DOCK1: variants seen among roughly 807,000 people sequenced by gnomAD.
The protein encoded by DOCK1 is dedicator of cytokinesis 1.
In DOCK1, 138 loss-of-function variants were observed where a neutral mutation model predicts 262.7. The ratio of observed to expected loss-of-function variants is 0.53; its 90% CI spans 0.46 to 0.61. DOCK1 has a LOEUF of 0.61. Ranked by LOEUF, DOCK1 falls within the 20% of genes least tolerant of loss-of-function variation. DOCK1 has a pLI of 0.00. For missense variants in DOCK1, 1,908 were observed against 2,370.7 expected, an observed-to-expected ratio of 0.80 and a Z score of 4.05; for synonymous variants, 866 against 867.4, an observed-to-expected ratio of 1.00 and a Z score of 0.03.
chr10:127,425,277 A>G (rs2068746374), intron 46 of DOCK1, among the ~76,000 whole-genome samples: 1 of 152,178 alleles, frequency 6.6e-6, no homozygotes, highest in Admixed American at 6.5e-5. Flanking sequence ...TGCAGCTGGG[A>G]GAATGAAAAT....
intron 27 of DOCK1, among the ~76,000 whole-genome samples, chr10:127,234,372 C>T (rs1443872219): frequency 6.6e-6 from 1 of 151,930 alleles, no homozygotes; most frequent in Non-Finnish European, 1.5e-5. Context: ...ATAGTTTACC[C>T]TAATATACAA....
At chr10:127,422,302 G>A (rs1310697428) in intron 46 of DOCK1, among the ~76,000 whole-genome samples, 3 of 151,318 alleles carry the variant, frequency 2.0e-5, no homozygotes, top group Non-Finnish European at 2.9e-5. Flanking sequence ...GAGTAGCTGG[G>A]ACTACAGATG....
In DOCK1 at chr10:127,127,699, A is replaced by G. The variant is rs2050051449; in HGVS notation, c.2782A>G (p.Met928Val). Residue 928 changes from methionine to valine, a missense_variant, in exon 27 of 52, where the codon ATG becomes GTG. By Grantham distance (21) the Met-to-Val change is conservative. This residue lies in a region of DOCK1 where 518 missense variants were observed against 575.1 expected (regional missense o/e 0.90). Coordinates refer to ENST00000623213, the MANE Select transcript of DOCK1 (RefSeq NM_001290223.2). ...GPTQRHVQII[M>V]EKLLRTVNRT... ...AACCCAGAGGCACGTCCAGATTATC[A>G]TGGAGAAACTTCTCCGGACCGTGAA... 6.2e-7 allele frequency: 1 copy of G among 1,612,872 alleles called. No homozygotes were observed. Among genetic ancestry groups the G allele is most frequent in the African/African-American group, 1.3e-5 (1 of 74,942 alleles).
intron 23 of DOCK1, among the ~76,000 whole-genome samples, chr10:127,086,839 C>T (rs1264662059): frequency 6.6e-6 from 1 of 152,114 alleles, no homozygotes; most frequent in Admixed American, 6.5e-5. Context: ...TTTAATATTC[C>T]TATACATGAA....
intron 49 of DOCK1, among the ~76,000 whole-genome samples, chr10:127,440,733 C>T (rs182931182): frequency 3.3e-5 from 5 of 152,336 alleles, no homozygotes; most frequent in Non-Finnish European, 7.3e-5. Context: ...AACAGGCCAG[C>T]GCTGCTCTGC....
intron 27 of DOCK1, among the ~76,000 whole-genome samples, chr10:127,130,108 G>T (rs2050231383): frequency 7.9e-6 from 1 of 126,890 alleles, no homozygotes; most frequent in African/African-American, 3.3e-5. Flanking sequence ...CCCTGAGATA[G>T]AGTCTTGCTC....
At chr10:127,351,282 C>T (rs908456931) in intron 31 of DOCK1, among the ~76,000 whole-genome samples, 1 of 152,060 alleles carries the variant, frequency 6.6e-6, no homozygotes, top group Non-Finnish European at 1.5e-5. Context: ...GGGCAGAGCA[C>T]GGTGACCCCA....
chr10:126,999,053 A>G (rs1245728917), intron 8 of DOCK1, among the ~76,000 whole-genome samples: 3 of 152,140 alleles, frequency 2.0e-5, no homozygotes, highest in Non-Finnish European at 2.9e-5. Context: ...GCTGAATTTT[A>G]TAGTATTGTC....
At chr10:127,200,701 A>T (rs2057415008) in intron 27 of DOCK1, among the ~76,000 whole-genome samples, 1 of 152,062 alleles carries the variant, frequency 6.6e-6, no homozygotes, top group South Asian at 2.1e-4. Context: ...ACTGCGCCCG[A>T]TATTATTATC....
chr10:127,091,890 G>T (rs1012021453), intron 23 of DOCK1, among the ~76,000 whole-genome samples: 8 of 152,086 alleles, frequency 5.3e-5, no homozygotes, highest in African/African-American at 1.9e-4. Context: ...ATGCTTACAG[G>T]GTACATCCTC....
intron 29 of DOCK1, among the ~76,000 whole-genome samples, chr10:127,313,252 C>T (rs537027521): frequency 4.6e-5 from 7 of 152,258 alleles, no homozygotes; most frequent in South Asian, 4.1e-4. Context: ...CACCCATATG[C>T]GATGCAATCA....
chr10:127,052,991 C>G (rs1319009090), intron 22 of DOCK1, among the ~76,000 whole-genome samples, 176 bp downstream of exon 22: 19 of 152,110 alleles, frequency 1.2e-4, no homozygotes, highest in Admixed American at 1.2e-3. Context: ...CCCACTCTTT[C>G]CTTACCCGCC....
chr10:127,119,729 T>C (rs884447), intron 25 of DOCK1, among the ~76,000 whole-genome samples: 25,495 of 152,254 alleles, frequency 0.17, 2,631 homozygotes, highest in African/African-American at 0.29. Context: ...ATCATTTATT[T>C]AATGTGACCA....
intron 29 of DOCK1, among the ~76,000 whole-genome samples, chr10:127,292,457 G>T (rs550095256): frequency 7.2e-5 from 11 of 152,234 alleles, no homozygotes; most frequent in Non-Finnish European, 1.3e-4. Context: ...GGCCTTTCTG[G>T]CTGTTTACAA....
At position 126,990,485 on chromosome 10, in the gene DOCK1, C is replaced by T. The variant is rs765245181; in HGVS notation, c.355C>T (p.Arg119Trp). Residue 119 changes from arginine to tryptophan, a missense_variant, in exon 6 of 52, where the codon CGG (arginine) becomes TGG (tryptophan). Coordinates refer to ENST00000623213, the MANE Select transcript of DOCK1 (RefSeq NM_001290223.2). Reference sequence around the variant, plus strand: ...TAACAGGGAGATGTTTCGAAGTGTGCGGCACATGATCTATGACCTTATTGA... The same window carrying T: ...TAACAGGGAGATGTTTCGAAGTGTGTGGCACATGATCTATGACCTTATTGA... ...QDNREMFRSV[R>W]HMIYDLIEWR... 26 of 1,611,768 alleles carry T rather than the reference C, an allele frequency of 1.6e-5. No individual in the cohort carries two copies. Among genetic ancestry groups the T allele is most frequent in the Middle Eastern group, 1.6e-4 (1 of 6,082 alleles).
At chr10:126,952,296 G>A (rs1409880985) in intron 1 of DOCK1, among the ~76,000 whole-genome samples, 4 of 151,814 alleles carry the variant, frequency 2.6e-5, no homozygotes, top group Non-Finnish European at 5.9e-5. Context: ...GTAGGTGATG[G>A]TGGTGGTGGC....
At chr10:127,304,397 C>G (rs990709686) in intron 29 of DOCK1, among the ~76,000 whole-genome samples, 1 of 152,054 alleles carries the variant, frequency 6.6e-6, no homozygotes, top group Admixed American at 6.6e-5. Flanking sequence ...TTTGTATTTT[C>G]ACTAACCTTA....
chr10:127,229,389 G>T (rs138243445), intron 27 of DOCK1, among the ~76,000 whole-genome samples: 11 of 151,972 alleles, frequency 7.2e-5, no homozygotes, highest in African/African-American at 2.2e-4. Flanking sequence ...TCGTCTCCCC[G>T]GTCCCCCCGC....
intron 38 of DOCK1, among the ~76,000 whole-genome samples, chr10:127,392,103 G>T (rs963560638): frequency 2.0e-5 from 3 of 149,058 alleles, no homozygotes; most frequent in Non-Finnish European, 3.0e-5. Context: ...GGCGTGGACC[G>T]GCTGCTTCTT....
Sources: allele counts gnomAD v4.1 joint callset (sites outside exome capture counted in the v4.1 genomes callset), GRCh38; gene constraint gnomAD v4.1.1; regional missense constraint gnomAD v4.1.1; transcripts MANE v1.5; gene names NCBI Gene and HGNC (gene_info 2026-07-23, HGNC 2026-07-21).